The following DNAAF1 variants were observed in gnomAD, a reference collection of about 807,000 sequenced individuals.
DNAAF1 encodes the protein dynein assembly factor 1, axonemal.
Under a neutral mutation model 71.1 loss-of-function variants are expected in DNAAF1, and 65 were observed. The ratio of observed to expected loss-of-function variants is 0.91; its 90% CI spans 0.75 to 1.12. The LOEUF is 1.12. Ranked by LOEUF, DNAAF1 falls within the 50% of genes most tolerant of loss-of-function variation. The pLI is 0.00. For missense variants in DNAAF1, 1,178 were observed against 899.8 expected, an observed-to-expected ratio of 1.31 and a Z score of -3.96; for synonymous variants, 414 against 354.6, an observed-to-expected ratio of 1.17 and a Z score of -1.88.
chr16:84,159,476 A>C (rs751338137), intron 5 of DNAAF1, among the ~76,000 whole-genome samples, 199 bp from the exon 6 acceptor site: 4 of 152,216 alleles, frequency 2.6e-5, no homozygotes, highest in African/African-American at 9.7e-5. Context: ...AGGGCTGCTG[A>C]ATGATCTAGA....
At position 84,161,337 on chromosome 16, in the gene DNAAF1, G is replaced by A. The variant is rs77382162; in HGVS notation, c.863+1541G>A. ...ATGGATGTTAGCAATAGGAGCCACC[G>A]CCCTTTAGAGCATAGCCCAAGACTC... On this transcript the variant is annotated intron_variant, in intron 6 of 11. Transcript: ENST00000378553. Among the ~76,000 whole-genome samples, 67 of 152,238 alleles carry A rather than the reference G, an allele frequency of 4.4e-4. No individual in the cohort carries two copies. In the East Asian group the frequency reaches 0.01, roughly 24 times the overall value.
At chr16:84,165,554 C>T (rs917515410) in intron 6 of DNAAF1, among the ~76,000 whole-genome samples, 4 of 151,846 alleles carry the variant, frequency 2.6e-5, no homozygotes, top group Admixed American at 1.3e-4. Flanking sequence ...TGATGGAGTC[C>T]GATTTCTCTA....
Position 84,166,013 on chromosome 16 carries a change from C to G in DNAAF1, c.1030+64C>G, listed in dbSNP as rs183793637. The G allele has an allele frequency of 1.0e-4, 134 of 1,324,400 alleles. No homozygotes were observed. The East Asian group carries it at 1.8e-3, about 18-fold the overall frequency. The allele number at this position is 1,324,400 out of a possible 1,614,324, so 82.0% of individuals were successfully genotyped here. A position where few individuals can be genotyped will look rare whatever the true frequency, so the allele number is the denominator to read the frequency against. On this transcript the variant is annotated intron_variant, in intron 7 of 11. Coordinates refer to ENST00000378553, the MANE Select transcript of DNAAF1 (RefSeq NM_178452.6). ...TTGAGATTAGGCAAGTCTAAGCTCT[C>G]AAACCCAGTCTTTAATCTTGGGAAT... is the stretch of plus-strand genomic sequence containing the variant.
chr16:84,165,685 T>A, intron 6 of DNAAF1, 98 bp from the exon 7 acceptor site: 2 of 1,170,796 alleles, frequency 1.7e-6, no homozygotes, highest in Non-Finnish European at 1.3e-6. Context: ...TGTCTGATGC[T>A]CACTTTGCTT....
At chr16:84,172,147 G>A in intron 8 of DNAAF1, 113 bp from the exon 9 acceptor site, 2 of 981,194 alleles carry the variant, frequency 2.0e-6, no homozygotes, top group Non-Finnish European at 3.2e-6. Flanking sequence ...AAAGTGTTGG[G>A]ATTACAGGCA....
rs765443334 is a variant in DNAAF1 at position 84,170,299 on chromosome 16, G to A, written c.1471G>A (p.Glu491Lys). The A allele has an allele frequency of 7.4e-6, 12 of 1,612,046 alleles. No homozygotes were observed. Among genetic ancestry groups the A allele is most frequent in the Middle Eastern group, 1.6e-4 (1 of 6,082 alleles). Residue 491 changes from glutamate (E) to lysine (K), a missense_variant, in exon 8 of 12, where the codon GAG becomes AAG. Transcript: ENST00000378553. ...AGGAGAGGATGGAGATCGAGAGCCA[G>A]AGGGGACCCTCCCAGCTGAGGCCCC... ...VKGEDGDREP[E>K]GTLPAEAPPP...
chr16:84,170,440 G>A, intron 8 of DNAAF1, 84 bp downstream of exon 8: 1 of 1,595,770 alleles, frequency 6.3e-7, no homozygotes, highest in Non-Finnish European at 8.5e-7. Flanking sequence ...TGGGACCTGG[G>A]GCCTGAGTTT....
intron 10 of DNAAF1, 132 bp downstream of exon 10, chr16:84,174,854 T>TTTTTC (rs544231465): frequency 2.4e-4 from 289 of 1,211,044 alleles, no homozygotes; most frequent in Admixed American, 1.6e-3. Context: ...CCCCATATTC[T>TTTTTC]TTTTCTTTTC....
At chr16:84,148,901 C>A in intron 1 of DNAAF1, 106 bp from the exon 2 acceptor site, 2 of 1,300,892 alleles carry the variant, frequency 1.5e-6, no homozygotes, top group East Asian at 2.3e-5. Flanking sequence ...CTAAAGAATA[C>A]TGGTGTTCTA....
chr16:84,161,190 G>C (rs2087699467), intron 6 of DNAAF1, among the ~76,000 whole-genome samples: 1 of 152,188 alleles, frequency 6.6e-6, no homozygotes, highest in Admixed American at 6.5e-5. Flanking sequence ...GGGTCCCTGT[G>C]AGCGCCTGTG....
intron 6 of DNAAF1, among the ~76,000 whole-genome samples, chr16:84,161,381 A>C (rs1240529516): frequency 6.6e-6 from 1 of 152,114 alleles, no homozygotes; most frequent in Non-Finnish European, 1.5e-5. Flanking sequence ...GAGTCAGATT[A>C]ACCTGGCTTG....
Position 84,169,890 on chromosome 16 carries a change from T to G in DNAAF1, c.1062T>G (p.Asn354Lys). 6.2e-7 allele frequency: 1 copy of G among 1,614,078 alleles called. No homozygotes were observed. Among genetic ancestry groups the G allele is most frequent in the Non-Finnish European group, 8.5e-7 (1 of 1,180,046 alleles). ...TGACATCTTCAGATGATGGTGAGAA[T>G]GTGCCCGCCAGTGCGGAAGGCAAGG... Reference protein sequence around the residue: ...GEMTSSDDGENVPASAEGKEE... With the variant: ...GEMTSSDDGEKVPASAEGKEE... Residue 354 changes from asparagine to lysine, a missense_variant, in exon 8 of 12, where the codon AAT becomes AAG. Physicochemically the swap from Asn to Lys is moderately conservative, Grantham distance 94. Transcript: ENST00000378553.
chr16:84,175,145 C>T (rs147868829), intron 10 of DNAAF1: 8 of 247,218 alleles, frequency 3.2e-5, no homozygotes, highest in African/African-American at 1.3e-4. Context: ...CGTGAGCCAC[C>T]GCACCCAGCC....
In DNAAF1 at chr16:84,176,187, C is replaced by A; in HGVS notation, c.1953C>A (p.Ser651Arg). 1 of 1,613,998 alleles carries A rather than the reference C, an allele frequency of 6.2e-7. No homozygotes were observed. Among genetic ancestry groups the A allele is most frequent in the Non-Finnish European group, 8.5e-7 (1 of 1,180,038 alleles). Residue 651 changes from serine (S) to arginine (R), a missense_variant, in exon 11 of 12, where the codon AGC becomes AGA. Ser to Arg is a moderately radical substitution (Grantham distance 110). Coordinates refer to ENST00000378553, the MANE Select transcript of DNAAF1 (RefSeq NM_178452.6). Reference protein sequence around the residue: ...KSPRPLIQELSDEDPSGQLLM... With the variant: ...KSPRPLIQELRDEDPSGQLLM... The stretch of plus-strand genomic sequence containing the variant: ...CAAGACCCCTGATCCAGGAGCTCAG[C>A]GACGAGGACCCCTCTGGCCAGCTAC...
At chr16:84,173,563 G>A in intron 9 of DNAAF1, 1 of 984,030 alleles carries the variant, frequency 1.0e-6, no homozygotes, top group African/African-American at 1.7e-5. Flanking sequence ...GCCAGGTGTG[G>A]AGGCTTACAC....
At chr16:84,148,870 C>T in intron 1 of DNAAF1, 137 bp from the exon 2 acceptor site, 1 of 1,018,100 alleles carries the variant, frequency 9.8e-7, no homozygotes, top group Admixed American at 2.0e-5. Flanking sequence ...GATTACAGGC[C>T]TGAGCCACCA....
chr16:84,148,063 C>T (rs1395033826), intron 1 of DNAAF1, among the ~76,000 whole-genome samples: 1 of 151,404 alleles, frequency 6.6e-6, no homozygotes, highest in East Asian at 1.9e-4. Context: ...CCAAGACGGT[C>T]TCCAAAAAAA....
chr16:84,175,939 T>A lies in DNAAF1; in HGVS notation c.1705T>A (p.Cys569Ser). Reference protein sequence around the residue: ...TGKSLEDQNMCFPKIEVISSL... With the variant: ...TGKSLEDQNMSFPKIEVISSL... Reference sequence around the variant, plus strand: ...CCTTTTCTTCTGTAAATAGAATATGTGCTTTCCGAAGATTGAGGTCATCTC... The same window carrying A: ...CCTTTTCTTCTGTAAATAGAATATGAGCTTTCCGAAGATTGAGGTCATCTC... The change falls in exon 11 of 12, where the codon TGC (cysteine) becomes AGC (serine). Residue 569 changes from cysteine to serine, a missense_variant. By Grantham distance (112) the Cys-to-Ser change is moderately radical. Coordinates refer to ENST00000378553, the MANE Select transcript of DNAAF1 (RefSeq NM_178452.6). The A allele has an allele frequency of 1.2e-6, 2 of 1,614,168 alleles. No homozygotes were observed. The highest frequency in any genetic ancestry group is 1.7e-6 in the Non-Finnish European group (2 of 1,180,032).
rs550108136 is a variant in DNAAF1, at chr16:84,149,682, C to T, written c.260+540C>T. 4.7e-5 allele frequency among the ~76,000 whole-genome samples: 5 copies of T among 107,070 alleles called. 1 individual carries two copies. In the East Asian group the frequency reaches 8.4e-4, roughly 18 times the overall value. The allele number at this position is 107,070 out of a possible 152,430, so 70.2% of individuals were successfully genotyped here. On this transcript the variant is annotated intron_variant, in intron 2 of 11. Coordinates refer to ENST00000378553, the MANE Select transcript of DNAAF1 (RefSeq NM_178452.6). ...CTCCAGCCCGGGCGGCAGAGTGAGA[C>T]TCCATCTCAAAAAAAAAAAAAAAAA...
Sources: gnomAD v4.1 joint callset for allele counts (sites outside exome capture counted in the v4.1 genomes callset) on GRCh38, gnomAD v4.1.1 for gene constraint, MANE v1.5 for transcripts, NCBI Gene and HGNC (gene_info 2026-07-23, HGNC 2026-07-21) for gene names.